NRCAM: variants seen among roughly 807,000 people sequenced by gnomAD.
NRCAM encodes the protein NgCAM-related cell adhesion molecule.
NRCAM carries 83 observed loss-of-function variants against 156.5 expected under a neutral mutation model. The observed-to-expected ratio is 0.53, with a 90% CI of 0.44 to 0.64. NRCAM has a LOEUF of 0.64. NRCAM is among the 30% of genes least tolerant of loss of function. The pLI, the probability that NRCAM is intolerant of heterozygous loss-of-function variation, is 0.00. For synonymous variants in NRCAM, 538 were observed against 563.9 expected, an observed-to-expected ratio of 0.95 and a Z score of 0.65; for missense variants, 1,417 against 1,597.3, an observed-to-expected ratio of 0.89 and a Z score of 1.92.
At chr7:108,204,074 G>C (rs928666846) in intron 13 of NRCAM, among the ~76,000 whole-genome samples, 5 of 152,136 alleles carry the variant, frequency 3.3e-5, no homozygotes, top group African/African-American at 1.2e-4. Context: ...ACTCCAGATG[G>C]GAAGCAAGCA....
rs193188326 is a variant in NRCAM at position 108,226,728 on chromosome 7, A to G, written c.551-350T>C. On this transcript the variant is annotated intron_variant, in intron 8 of 32. Coordinates refer to ENST00000379028, the MANE Select transcript of NRCAM (RefSeq NM_001037132.4). ...CTGAGTCCCTAACTGTTAAGTACAC[A>G]TACACATATATCTTAGAAAATCATT... 2.0e-5 allele frequency among the ~76,000 whole-genome samples: 3 copies of G among 152,358 alleles called. No homozygotes were observed. In the East Asian group the frequency reaches 5.8e-4, roughly 29 times the overall value.
intron 10 of NRCAM, among the ~76,000 whole-genome samples, chr7:108,225,025 T>G (rs1357539914): frequency 3.9e-5 from 6 of 152,166 alleles, no homozygotes; most frequent in Admixed American, 3.9e-4. Context: ...ATTCATAGAC[T>G]CTACTTGAGA....
chr7:108,412,593 T>C (rs1796783118), intron 1 of NRCAM, among the ~76,000 whole-genome samples: 1 of 152,190 alleles, frequency 6.6e-6, no homozygotes, highest in Non-Finnish European at 1.5e-5. Flanking sequence ...TTTTCAAGAA[T>C]ACAATATGTT....
chr7:108,355,267 A>AC (rs2099483727), intron 2 of NRCAM, among the ~76,000 whole-genome samples: 1 of 152,258 alleles, frequency 6.6e-6, no homozygotes, highest in Non-Finnish European at 1.5e-5. Context: ...GTCTGAAAGA[A>AC]CAGATGTGAA....
chr7:108,286,624 C>G (rs2098112228), intron 3 of NRCAM, among the ~76,000 whole-genome samples: 1 of 143,398 alleles, frequency 7.0e-6, no homozygotes, highest in African/African-American at 2.4e-5. Flanking sequence ...TTAATCCTCC[C>G]AAATCCTGTG....
At chr7:108,246,562 A>G (rs2095940205) in intron 3 of NRCAM, among the ~76,000 whole-genome samples, 1 of 152,176 alleles carries the variant, frequency 6.6e-6, no homozygotes, top group Non-Finnish European at 1.5e-5. Flanking sequence ...GCCAGTGGGC[A>G]GCAGAGGATC....
chr7:108,213,807 G>T (rs1378590723), intron 11 of NRCAM, among the ~76,000 whole-genome samples: 2 of 152,040 alleles, frequency 1.3e-5, no homozygotes, highest in African/African-American at 4.8e-5. Context: ...TAGCATGAAG[G>T]GCTGTTGAAT....
chr7:108,219,236 TC>T (rs1281300534), intron 11 of NRCAM, among the ~76,000 whole-genome samples: 1 of 151,674 alleles, frequency 6.6e-6, no homozygotes, highest in African/African-American at 2.4e-5. Flanking sequence ...CAAAAAAAAG[TC>T]CATGACCACA....
intron 3 of NRCAM, among the ~76,000 whole-genome samples, chr7:108,275,104 G>C (rs1169740335): frequency 6.6e-6 from 1 of 152,188 alleles, no homozygotes; most frequent in Admixed American, 6.5e-5. Context: ...GCTCGTGGTG[G>C]ATAAGCTTTT....
chr7:108,325,820 CAG>C (rs1007982611), intron 2 of NRCAM, among the ~76,000 whole-genome samples: 2 of 152,016 alleles, frequency 1.3e-5, no homozygotes, highest in African/African-American at 4.8e-5. Context: ...ATTAACTCCA[CAG>C]AGTGATCAGA....
At chr7:108,435,998 T>G (rs1351240368) in intron 1 of NRCAM, among the ~76,000 whole-genome samples, 2 of 152,092 alleles carry the variant, frequency 1.3e-5, no homozygotes, top group African/African-American at 2.4e-5. Context: ...GCCGGGCGTG[T>G]TGGCGGGCAC....
chr7:108,241,169 A>C (rs192524139), intron 3 of NRCAM, among the ~76,000 whole-genome samples: 1 of 152,306 alleles, frequency 6.6e-6, no homozygotes, highest in East Asian at 1.9e-4. Flanking sequence ...ACATAGGTAG[A>C]TATATATTAA....
intron 26 of NRCAM, among the ~76,000 whole-genome samples, chr7:108,177,685 G>GTA (rs1437249227): frequency 5.5e-3 from 95 of 17,418 alleles, no homozygotes; most frequent in African/African-American, 7.7e-3. Context: ...ATATATACGT[G>GTA]TATATATATA....
intron 3 of NRCAM, among the ~76,000 whole-genome samples, chr7:108,287,788 C>T (rs926550301): frequency 6.6e-6 from 1 of 151,954 alleles, no homozygotes; most frequent in Non-Finnish European, 1.5e-5. Flanking sequence ...ATTAGTACAG[C>T]TTCTGTGGAA....
At chr7:108,290,220 A>G (rs1383344132) in intron 3 of NRCAM, among the ~76,000 whole-genome samples, 1 of 152,172 alleles carries the variant, frequency 6.6e-6, no homozygotes, top group African/African-American at 2.4e-5. Flanking sequence ...ATCTTCTTGC[A>G]TACTATGTGG....
At chr7:108,455,555 G>A (rs928457725) in intron 1 of NRCAM, among the ~76,000 whole-genome samples, 1 of 152,116 alleles carries the variant, frequency 6.6e-6, no homozygotes, top group Non-Finnish European at 1.5e-5. Context: ...GGCCGACAAA[G>A]CCCCCGCAAG....
chr7:108,436,761 A>C (rs1832730625), intron 1 of NRCAM, among the ~76,000 whole-genome samples: 1 of 152,202 alleles, frequency 6.6e-6, no homozygotes, highest in Non-Finnish European at 1.5e-5. Context: ...AATCCAAATA[A>C]TTTATGACCT....
At chr7:108,277,273 T>C (rs1388418087) in intron 3 of NRCAM, among the ~76,000 whole-genome samples, 2 of 152,180 alleles carry the variant, frequency 1.3e-5, no homozygotes, top group African/African-American at 2.4e-5. Context: ...TGAATTTGAA[T>C]GTTGGCCTAC....
intron 2 of NRCAM, among the ~76,000 whole-genome samples, chr7:108,388,810 A>G (rs2154371336): frequency 6.6e-6 from 1 of 152,328 alleles, no homozygotes; most frequent in East Asian, 1.9e-4. Context: ...CATTTATTAA[A>G]TAGGGAATCC....
Sources: gnomAD v4.1 joint callset for allele counts (sites outside exome capture counted in the v4.1 genomes callset) on GRCh38, gnomAD v4.1.1 for gene constraint, MANE v1.5 for transcripts, NCBI Gene and HGNC (gene_info 2026-07-23, HGNC 2026-07-21) for gene names.